CDH12: variants seen among roughly 807,000 people sequenced by gnomAD.
CDH12 encodes cadherin 12.
Under a neutral mutation model 74.1 loss-of-function variants are expected in CDH12, and 41 were observed. The ratio of observed to expected loss-of-function variants is 0.55; its 90% CI spans 0.43 to 0.72. CDH12 has a LOEUF of 0.72. Ranked by LOEUF, CDH12 falls within the 30% of genes least tolerant of loss-of-function variation. The pLI is 0.00. For missense variants in CDH12, 945 were observed against 977.2 expected (o/e 0.97, Z 0.44); for synonymous variants, 399 against 355.0 (o/e 1.12, Z -1.39).
intron 1 of CDH12, among the ~76,000 whole-genome samples, chr5:22,843,940 T>C (rs879493185): frequency 1.3e-5 from 2 of 152,102 alleles, no homozygotes; most frequent in Non-Finnish European, 2.9e-5. Context: ...TCTCACTGTG[T>C]AGGGCTGTGT....
At position 22,435,524 on chromosome 5, in the gene CDH12, G is replaced by GTGTGTATA. The variant is rs148027987; in HGVS notation, c.-427-30174_-427-30173insTATACACA. 2.9e-3 allele frequency among the ~76,000 whole-genome samples: 427 copies of GTGTGTATA among 148,784 alleles called. 6 individuals are homozygous for GTGTGTATA. Among genetic ancestry groups the GTGTGTATA allele is most frequent in the Non-Finnish European group, 2.8e-3 (187 of 67,242 alleles). The stretch of plus-strand genomic sequence containing the variant: ...TGTGTGTGTGTGTGTGTGTGTGTGT[G>GTGTGTATA]TATATACATATATACTATTAGTTCA... On this transcript the variant is annotated intron_variant, in intron 2 of 14. Coordinates refer to ENST00000382254, the MANE Select transcript of CDH12 (RefSeq NM_004061.5).
At chr5:22,841,816 T>C (rs771390406) in intron 1 of CDH12, among the ~76,000 whole-genome samples, 10 of 152,192 alleles carry the variant, frequency 6.6e-5, no homozygotes, top group East Asian at 3.9e-4. Context: ...TCTACACTTA[T>C]GCATTTTTGA....
At chr5:22,325,109 G>C (rs912056055) in intron 3 of CDH12, among the ~76,000 whole-genome samples, 1 of 152,184 alleles carries the variant, frequency 6.6e-6, no homozygotes, top group South Asian at 2.1e-4. Flanking sequence ...TCGTGTTTTG[G>C]TGCTGGGTGG....
intron 3 of CDH12, among the ~76,000 whole-genome samples, chr5:22,254,692 T>A (rs1753254973): frequency 6.6e-6 from 1 of 151,822 alleles, no homozygotes; most frequent in Admixed American, 6.6e-5. Flanking sequence ...AGTATGGGTA[T>A]ATATAATTAT....
chr5:22,556,090 T>C (rs1738791883), intron 1 of CDH12, among the ~76,000 whole-genome samples: 1 of 152,068 alleles, frequency 6.6e-6, no homozygotes, highest in Admixed American at 6.6e-5. Flanking sequence ...TGAAATATTT[T>C]TCTACAATCA....
chr5:22,006,677 T>C (rs1736983520), intron 5 of CDH12, among the ~76,000 whole-genome samples: 2 of 152,084 alleles, frequency 1.3e-5, no homozygotes, highest in African/African-American at 4.8e-5. Context: ...TTGGTTTGAG[T>C]CCATGCTCTG....
At chr5:22,383,140 A>G (rs1416696862) in intron 3 of CDH12, among the ~76,000 whole-genome samples, 2 of 152,132 alleles carry the variant, frequency 1.3e-5, no homozygotes, top group Non-Finnish European at 2.9e-5. Flanking sequence ...CTCGTATTCA[A>G]ATTTCATAAC....
intron 5 of CDH12, among the ~76,000 whole-genome samples, chr5:22,027,159 G>A (rs1469822637): frequency 6.6e-6 from 1 of 152,098 alleles, no homozygotes. Flanking sequence ...TCCCAGGGAT[G>A]AAGCCCACTT....
At chr5:22,455,133 G>A (rs1745213356) in intron 2 of CDH12, among the ~76,000 whole-genome samples, 2 of 152,174 alleles carry the variant, frequency 1.3e-5, no homozygotes, top group African/African-American at 4.8e-5. Flanking sequence ...AAAAGCTTAT[G>A]TTGGCTGTGA....
chr5:22,526,743 T>C (rs1314479942), intron 1 of CDH12, among the ~76,000 whole-genome samples: 1 of 152,156 alleles, frequency 6.6e-6, no homozygotes, highest in Admixed American at 6.6e-5. Flanking sequence ...GTGGCAATAA[T>C]CTTCGCAGTC....
At chr5:21,910,683 T>C (rs1418484766) in intron 6 of CDH12, among the ~76,000 whole-genome samples, 1 of 151,314 alleles carries the variant, frequency 6.6e-6, no homozygotes, top group African/African-American at 2.4e-5. Flanking sequence ...TATCTTTTTT[T>C]TTTTTTAATC....
At chr5:21,881,731 T>C (rs1260416559) in intron 6 of CDH12, among the ~76,000 whole-genome samples, 2 of 152,212 alleles carry the variant, frequency 1.3e-5, no homozygotes, top group African/African-American at 4.8e-5. Context: ...TGGTTACTAA[T>C]GGATCTGCAT....
chr5:21,996,429 C>G (rs1008423352), intron 5 of CDH12, among the ~76,000 whole-genome samples: 2 of 152,214 alleles, frequency 1.3e-5, no homozygotes, highest in African/African-American at 4.8e-5. Flanking sequence ...GCCGCTGGAA[C>G]TAGGAACTTC....
At chr5:22,388,530 G>C (rs1433744347) in intron 3 of CDH12, among the ~76,000 whole-genome samples, 1 of 151,654 alleles carries the variant, frequency 6.6e-6, no homozygotes, top group African/African-American at 2.4e-5. Context: ...AAAATTCAAG[G>C]CATGAAAAAA....
chr5:22,733,366 G>A (rs12188885), intron 1 of CDH12, among the ~76,000 whole-genome samples: 34,792 of 150,852 alleles, frequency 0.23, 4,449 homozygotes, highest in South Asian at 0.31. Context: ...TAAAAAAGGA[G>A]CAAAATTCAA....
At chr5:22,281,531 G>C (rs1489827495) in intron 3 of CDH12, among the ~76,000 whole-genome samples, 3 of 152,094 alleles carry the variant, frequency 2.0e-5, no homozygotes, top group Non-Finnish European at 4.4e-5. Context: ...ACAGTCTCAG[G>C]ATATAAAATC....
intron 1 of CDH12, among the ~76,000 whole-genome samples, chr5:22,732,471 T>TATACAC (rs1193680928): frequency 9.6e-5 from 7 of 72,666 alleles, no homozygotes; most frequent in Admixed American, 3.1e-4. Context: ...TATATATATA[T>TATACAC]ACACACACAC....
chr5:22,024,301 C>CT (rs1398966884), intron 5 of CDH12, among the ~76,000 whole-genome samples: 6 of 152,026 alleles, frequency 3.9e-5, no homozygotes, highest in East Asian at 1.9e-4. Flanking sequence ...ACTGCTTATG[C>CT]TTTTTTGGAT....
At chr5:22,726,979 G>A (rs996512709) in intron 1 of CDH12, among the ~76,000 whole-genome samples, 5 of 151,678 alleles carry the variant, frequency 3.3e-5, no homozygotes, top group South Asian at 2.1e-4. Flanking sequence ...GTCCTTTAGC[G>A]TCCTTAAGGC....
Sources: gnomAD v4.1 joint callset for allele counts (sites outside exome capture counted in the v4.1 genomes callset) on GRCh38, gnomAD v4.1.1 for gene constraint, MANE v1.5 for transcripts, NCBI Gene and HGNC (gene_info 2026-07-23, HGNC 2026-07-21) for gene names.